The following PDE7A variants were observed in gnomAD, a reference collection of about 807,000 sequenced individuals.
PDE7A encodes phosphodiesterase 7A, also known as high affinity 3',5'-cyclic-AMP phosphodiesterase 7A.
In PDE7A, 39 loss-of-function variants were observed where a neutral mutation model predicts 64.3. The observed-to-expected ratio is 0.61, with a 90% CI of 0.47 to 0.79. The LOEUF (loss-of-function observed/expected upper bound fraction) is 0.79. Ranked by LOEUF, PDE7A falls within the 30% of genes least tolerant of loss-of-function variation. The pLI is 0.00. For missense variants in PDE7A, 470 were observed against 582.8 expected (o/e 0.81, Z 1.99); for synonymous variants, 203 against 206.8 (o/e 0.98, Z 0.16).
At chr8:65,826,278 C>G (rs573254966) in intron 1 of PDE7A, among the ~76,000 whole-genome samples, 1 of 152,208 alleles carries the variant, frequency 6.6e-6, no homozygotes, top group Non-Finnish European at 1.5e-5. Context: ...AAAATTACTT[C>G]AACCAAATTG....
chr8:65,720,524 A>G (rs1246621584), intron 12 of PDE7A: 1 of 154,194 alleles, frequency 6.5e-6, no homozygotes, highest in Non-Finnish European at 1.5e-5. Context: ...GGAAAGTTAT[A>G]TATGGTCTGA....
chr8:65,811,476 C>A (rs371110642), intron 1 of PDE7A, among the ~76,000 whole-genome samples: 1 of 152,204 alleles, frequency 6.6e-6, no homozygotes, highest in African/African-American at 2.4e-5. Flanking sequence ...CAACGAGAAG[C>A]CAGACGGCAT....
rs543571780 is a variant in PDE7A at position 65,763,484 on chromosome 8, G to A, written c.284-15681C>T. On this transcript the variant is annotated intron_variant, in intron 3 of 12. Coordinates refer to ENST00000401827, the MANE Select transcript of PDE7A (RefSeq NM_001242318.3). ...GGAGGCTGAGGCAGGAGAATCACTT[G>A]AACCCAGGAGGCGAAGGTTGAGGTG... 3.9e-4 allele frequency among the ~76,000 whole-genome samples: 59 copies of A among 152,128 alleles called. 1 individual carries two copies. The highest frequency in any genetic ancestry group is 7.8e-4 in the Non-Finnish European group (53 of 67,988).
intron 3 of PDE7A, among the ~76,000 whole-genome samples, chr8:65,757,132 A>G (rs1808270924): frequency 6.6e-6 from 1 of 151,804 alleles, no homozygotes; most frequent in South Asian, 2.1e-4. Context: ...ATAGGGCAAG[A>G]CTCTCTCTGG....
At chr8:65,835,016 CT>C (rs1214590823) in intron 1 of PDE7A, among the ~76,000 whole-genome samples, 5 of 151,932 alleles carry the variant, frequency 3.3e-5, no homozygotes, top group African/African-American at 1.2e-4. Flanking sequence ...TGTGAATAAC[CT>C]TTTGAAAAGC....
At chr8:65,779,244 C>T (rs1270143253) in intron 3 of PDE7A, among the ~76,000 whole-genome samples, 1 of 152,040 alleles carries the variant, frequency 6.6e-6, no homozygotes, top group East Asian at 1.9e-4. Context: ...GTTTTTTCCC[C>T]TTTCCCTCCA....
At chr8:65,748,807 T>G (rs898838985) in intron 3 of PDE7A, among the ~76,000 whole-genome samples, 1 of 152,134 alleles carries the variant, frequency 6.6e-6, no homozygotes, top group Non-Finnish European at 1.5e-5. Context: ...TTAAATGAGA[T>G]AATATATATA....
At chr8:65,824,852 C>A (rs1167756584) in intron 1 of PDE7A, among the ~76,000 whole-genome samples, 4 of 152,146 alleles carry the variant, frequency 2.6e-5, no homozygotes, top group African/African-American at 4.8e-5. Flanking sequence ...ACGTGACTTG[C>A]TTTATTGTGA....
chr8:65,730,316 T>G (rs764559144), intron 7 of PDE7A, among the ~76,000 whole-genome samples: 32 of 150,384 alleles, frequency 2.1e-4, no homozygotes, highest in South Asian at 4.2e-4. Context: ...AAGTAGCTGG[T>G]ATTACAGGCA....
intron 6 of PDE7A, among the ~76,000 whole-genome samples, 181 bp downstream of exon 6, chr8:65,739,321 C>T (rs1807297642): frequency 6.6e-6 from 1 of 152,120 alleles, no homozygotes; most frequent in Non-Finnish European, 1.5e-5. Context: ...CAGACCAGAC[C>T]AAAAGAAGCA....
intron 1 of PDE7A, among the ~76,000 whole-genome samples, chr8:65,805,667 T>C (rs1258850484): frequency 6.6e-6 from 1 of 152,222 alleles, no homozygotes; most frequent in African/African-American, 2.4e-5. Flanking sequence ...CCCTTCCCTA[T>C]GGTGTATAAG....
intron 1 of PDE7A, among the ~76,000 whole-genome samples, chr8:65,823,976 AAAT>A (rs1315734088): frequency 3.3e-5 from 5 of 151,768 alleles, no homozygotes; most frequent in Non-Finnish European, 7.4e-5. Flanking sequence ...ATTGATATAA[AAAT>A]ACTAAGTTGA....
Position 65,799,467 on chromosome 8 carries a change from G to C in PDE7A, c.139-16624C>G, listed in dbSNP as rs1466701457. 3.9e-5 allele frequency among the ~76,000 whole-genome samples: 6 copies of C among 152,210 alleles called. No individual in the cohort carries two copies. In the East Asian group the frequency reaches 1.2e-3, roughly 29 times the overall value. On this transcript the variant is annotated intron_variant, in intron 1 of 12. Transcript: ENST00000401827. Reference sequence around the variant, plus strand: ...TACACATTTTGGAAAAAATACTCTAGGTCCCAGAGTGGAATGGATTAACAC... The same window carrying C: ...TACACATTTTGGAAAAAATACTCTACGTCCCAGAGTGGAATGGATTAACAC...
Position 65,841,603 on chromosome 8 carries a change from G to A in PDE7A, c.-95C>T. 3.7e-6 allele frequency: 2 copies of A among 538,278 alleles called. No homozygotes were observed. The highest frequency in any genetic ancestry group is 5.2e-6 in the Non-Finnish European group (2 of 387,770). 33.3% of individuals were successfully genotyped at this position (538,278 alleles called of 1,614,324 possible). ...GGCCGCGGCTCGGGGGCTCCGGGCCGAGACGGGGGCAGGGCGGGCGGGGAC... is the reference window on the plus strand; with the variant it reads ...GGCCGCGGCTCGGGGGCTCCGGGCCAAGACGGGGGCAGGGCGGGCGGGGAC... On this transcript the variant is annotated 5_prime_UTR_variant, in exon 1 of 13. Transcript: ENST00000401827.
chr8:65,784,339 T>C (rs1385243107), intron 1 of PDE7A, among the ~76,000 whole-genome samples: 1 of 152,160 alleles, frequency 6.6e-6, no homozygotes, highest in Non-Finnish European at 1.5e-5. Context: ...ATATGATAAA[T>C]ACAGGACTTA....
At chr8:65,721,042 G>T (rs973787540) in intron 12 of PDE7A, among the ~76,000 whole-genome samples, 2 of 152,078 alleles carry the variant, frequency 1.3e-5, no homozygotes, top group African/African-American at 4.8e-5. Flanking sequence ...CTGGCTCTAC[G>T]TTAACCTAAA....
intron 1 of PDE7A, among the ~76,000 whole-genome samples, chr8:65,822,662 G>A (rs1221272843): frequency 6.6e-6 from 1 of 152,162 alleles, no homozygotes; most frequent in Non-Finnish European, 1.5e-5. Flanking sequence ...CTTAAGAACT[G>A]AAACCAGAGT....
intron 1 of PDE7A, among the ~76,000 whole-genome samples, chr8:65,812,592 C>A: frequency 6.6e-6 from 1 of 152,090 alleles, no homozygotes; most frequent in Non-Finnish European, 1.5e-5. Context: ...TTAAATAAAA[C>A]CACCACACAC....
chr8:65,829,646 G>A (rs79893458), intron 1 of PDE7A, among the ~76,000 whole-genome samples: 2,978 of 152,112 alleles, frequency 0.02, 28 homozygotes, highest in Admixed American at 0.022. Flanking sequence ...GTGTGATCTG[G>A]GACAAATCAC....
Sources: gnomAD v4.1 joint callset for allele counts (sites outside exome capture counted in the v4.1 genomes callset) on GRCh38, gnomAD v4.1.1 for gene constraint, MANE v1.5 for transcripts, NCBI Gene and HGNC (gene_info 2026-07-23, HGNC 2026-07-21) for gene names.